Variants in LOXL2 observed in about 807,000 individuals in gnomAD.
LOXL2 encodes the protein lysyl oxidase like 2.
LOXL2 carries 70 observed loss-of-function variants against 93.0 expected under a neutral mutation model. That is an observed-to-expected ratio of 0.75 (90% confidence interval 0.62 to 0.92). The LOEUF (loss-of-function observed/expected upper bound fraction) is 0.92. Ranked by LOEUF, LOXL2 falls within the 40% of genes least tolerant of loss-of-function variation. LOXL2 has a pLI of 0.00. For missense variants in LOXL2, 973 were observed against 1,054.9 expected (o/e 0.92, Z 1.08); for synonymous variants, 438 against 413.2 (o/e 1.06, Z -0.73).
chr8:23,381,523 AG>A (rs1348596882), intron 1 of LOXL2, among the ~76,000 whole-genome samples: 3 of 152,240 alleles, frequency 2.0e-5, no homozygotes, highest in South Asian at 4.1e-4. Flanking sequence ...TAAGCAAAAA[AG>A]GGTATTTTGT....
At chr8:23,320,438 C>T (rs530974846) in intron 7 of LOXL2, among the ~76,000 whole-genome samples, 22 of 152,290 alleles carry the variant, frequency 1.4e-4, no homozygotes, top group African/African-American at 3.8e-4. Flanking sequence ...CCCTACCTGG[C>T]GGGTTCCAGA....
intron 6 of LOXL2, among the ~76,000 whole-genome samples, chr8:23,325,572 G>A (rs1273272622): frequency 2.6e-5 from 4 of 152,166 alleles, no homozygotes; most frequent in East Asian, 1.9e-4. Context: ...GATTACAGGC[G>A]TGAGTCCTGT....
rs558835911 is a variant in LOXL2, at chr8:23,334,433, T to C, written c.744-810A>G. Among the ~76,000 whole-genome samples, 8 of 152,364 alleles carry C rather than the reference T, an allele frequency of 5.3e-5. No individual in the cohort carries two copies. The East Asian group carries it at 1.5e-3, about 29-fold the overall frequency. ...CGATATACAAGATTAAATTTGTATTTCCAATGAGAAACAATGAAAACAGTC... is the reference window on the plus strand; with the variant it reads ...CGATATACAAGATTAAATTTGTATTCCCAATGAGAAACAATGAAAACAGTC... On this transcript the variant is annotated intron_variant, in intron 4 of 13. Transcript: ENST00000389131.
intron 1 of LOXL2, among the ~76,000 whole-genome samples, chr8:23,392,716 C>T (rs1800027390): frequency 6.6e-6 from 1 of 152,188 alleles, no homozygotes; most frequent in South Asian, 2.1e-4. Flanking sequence ...TTACACCCCC[C>T]TGCCCTTGGA....
rs1027940701 is a variant in LOXL2, at chr8:23,378,065, A to C, written c.-83-9631T>G. Among the ~76,000 whole-genome samples the C allele has an allele frequency of 3.3e-5, 5 of 152,228 alleles. No individual in the cohort carries two copies. The East Asian group carries it at 5.8e-4, about 18-fold the overall frequency. On this transcript the variant is annotated intron_variant, in intron 1 of 13. Transcript: ENST00000389131. The stretch of plus-strand genomic sequence containing the variant: ...GTCTTTACAATTTGGCATGTTTTTG[A>C]AGTGGCTGGTACTGGTTGTTCCTTT...
Position 23,311,045 on chromosome 8 carries a change from T to C in LOXL2, c.1637-1134A>G, listed in dbSNP as rs140945797. ...TTTGACAAGTTGCTTGTAAATTTTTTTCCCCCTAGACTGCTTTGCAGAATT... is the reference window on the plus strand; with the variant it reads ...TTTGACAAGTTGCTTGTAAATTTTTCTCCCCCTAGACTGCTTTGCAGAATT... On this transcript the variant is annotated intron_variant, in intron 9 of 13. Transcript: ENST00000389131. 6.4e-3 allele frequency among the ~76,000 whole-genome samples: 970 copies of C among 152,316 alleles called. 4 individuals are homozygous for C. Among genetic ancestry groups the C allele is most frequent in the Middle Eastern group, 0.037 (11 of 294 alleles).
At position 23,341,236 on chromosome 8, in the gene LOXL2, A is replaced by G. The variant is rs1462410499; in HGVS notation, c.532-33T>C. 9.6e-6 allele frequency: 15 copies of G among 1,556,324 alleles called. No individual in the cohort carries two copies. The East Asian group carries it at 2.9e-4, about 30-fold the overall frequency. ...GAAAGAGGCGTGGAAGGAGAGGGTT[A>G]CCCTACTGGCCTGGCTGCAGAGACA... On this transcript the variant is annotated intron_variant, in intron 3 of 13. Coordinates refer to ENST00000389131, the MANE Select transcript of LOXL2 (RefSeq NM_002318.3).
At chr8:23,318,319 T>C (rs374121435) in intron 8 of LOXL2, among the ~76,000 whole-genome samples, 20 of 152,064 alleles carry the variant, frequency 1.3e-4, no homozygotes, top group Non-Finnish European at 1.9e-4. Context: ...AGCCCCATAA[T>C]TGGATGAGCC....
At chr8:23,371,787 G>T (rs993695748) in intron 1 of LOXL2, among the ~76,000 whole-genome samples, 8 of 125,530 alleles carry the variant, frequency 6.4e-5, no homozygotes, top group Admixed American at 8.3e-5. Context: ...AAAAAAAAAT[G>T]CATGGCAAGC....
intron 3 of LOXL2, among the ~76,000 whole-genome samples, chr8:23,347,264 A>G (rs7017537): frequency 0.58 from 88,449 of 151,632 alleles, 26,410 homozygotes; most frequent in African/African-American, 0.7. Context: ...GGCTGAGGCA[A>G]GAGAATCACT....
intron 4 of LOXL2, among the ~76,000 whole-genome samples, chr8:23,339,156 C>T (rs1803841197): frequency 6.6e-6 from 1 of 152,176 alleles, no homozygotes; most frequent in Non-Finnish European, 1.5e-5. Flanking sequence ...TAACTGTCAA[C>T]TGAGTCCCAG....
intron 1 of LOXL2, chr8:23,385,886 A>T: frequency 1.3e-6 from 1 of 751,024 alleles, no homozygotes; most frequent in Non-Finnish European, 2.4e-6. Flanking sequence ...TTTTGTACTA[A>T]GTCTTTGAAA....
At chr8:23,328,734 T>A in intron 5 of LOXL2, 169 bp from the exon 6 acceptor site, 1 of 632,800 alleles carries the variant, frequency 1.6e-6, no homozygotes, top group Admixed American at 2.4e-5. Context: ...TGTGTGTGTG[T>A]GTGTGTGTGT....
intron 1 of LOXL2, chr8:23,386,101 TAA>T: frequency 1.3e-6 from 1 of 758,316 alleles, no homozygotes; most frequent in Admixed American, 1.7e-5. Context: ...GTCACACTGC[TAA>T]AAAGTGATCA....
chr8:23,368,390 C>A lies in LOXL2; in HGVS notation c.-39G>T. 3.2e-6 allele frequency: 5 copies of A among 1,569,946 alleles called. No individual in the cohort carries two copies. The highest frequency in any genetic ancestry group is 4.4e-6 in the Non-Finnish European group (5 of 1,148,318). ...CTGATGATCCCACGAAGGGGCCCTGCGCAGCTGGGAGGGACAGGCGGGGTA... is the reference window on the plus strand; with the variant it reads ...CTGATGATCCCACGAAGGGGCCCTGAGCAGCTGGGAGGGACAGGCGGGGTA... On this transcript the variant is annotated 5_prime_UTR_variant, in exon 2 of 14. Coordinates refer to ENST00000389131, the MANE Select transcript of LOXL2 (RefSeq NM_002318.3).
rs199742310 is a variant in LOXL2, at chr8:23,346,146, T to A, written c.532-4943A>T. Among the ~76,000 whole-genome samples, 234 of 77,942 alleles carry A rather than the reference T, an allele frequency of 3.0e-3. 2 individuals are homozygous for A. The highest frequency in any genetic ancestry group is 0.01 in the South Asian group (24 of 2,366). 51.1% of individuals were successfully genotyped at this position (77,942 alleles called of 152,430 possible). On this transcript the variant is annotated intron_variant, in intron 3 of 13. Coordinates refer to ENST00000389131, the MANE Select transcript of LOXL2 (RefSeq NM_002318.3). ...ATAAAATAAAATAAAATAAAATAAA[T>A]AAAATAAAATAAAAAATAAAATAAA...
At position 23,358,344 on chromosome 8, in the gene LOXL2, C is replaced by A. The variant is rs558015430; in HGVS notation, c.531+1746G>T. 4.6e-5 allele frequency among the ~76,000 whole-genome samples: 7 copies of A among 152,352 alleles called. No individual in the cohort carries two copies. The South Asian group carries it at 1.5e-3, about 32-fold the overall frequency. On this transcript the variant is annotated intron_variant, in intron 3 of 13. Coordinates refer to ENST00000389131, the MANE Select transcript of LOXL2 (RefSeq NM_002318.3). ...TATACAGCAGGGTTGGGCAAATTCC[C>A]AGCACGCTTGGGAACATATATGGAG...
chr8:23,358,318 C>T (rs1585368851), intron 3 of LOXL2, among the ~76,000 whole-genome samples: 1 of 152,344 alleles, frequency 6.6e-6, no homozygotes, highest in East Asian at 1.9e-4. Flanking sequence ...CTTTCCTATG[C>T]TATACAGCAG....
At chr8:23,314,812 ACATAAAT>A (rs1428937948) in intron 9 of LOXL2, among the ~76,000 whole-genome samples, 71 of 135,904 alleles carry the variant, frequency 5.2e-4, no homozygotes, top group African/African-American at 1.6e-3. Context: ...ATACATAAAT[ACATAAAT>A]AAAACGAAAA....
Sources: gnomAD v4.1 joint callset for allele counts (sites outside exome capture counted in the v4.1 genomes callset) on GRCh38, gnomAD v4.1.1 for gene constraint, MANE v1.5 for transcripts, NCBI Gene and HGNC (gene_info 2026-07-23, HGNC 2026-07-21) for gene names.